Variants in IPO11 observed in about 807,000 individuals in gnomAD.
IPO11 encodes the protein importin-11.
A neutral mutation model predicts 143.2 loss-of-function variants in IPO11; 66 were observed. That is an observed-to-expected ratio of 0.46 (90% CI 0.38 to 0.57). The LOEUF is 0.57. Ranked by LOEUF, IPO11 falls within the 20% of genes least tolerant of loss-of-function variation. The pLI is 0.00. For missense variants in IPO11, 1,026 were observed against 1,141.0 expected (o/e 0.90, Z 1.45); for synonymous variants, 385 against 377.8 (o/e 1.02, Z -0.22).
intron 24 of IPO11, among the ~76,000 whole-genome samples, chr5:62,546,603 A>G (rs1322047210): frequency 1.3e-5 from 2 of 151,920 alleles, no homozygotes; most frequent in African/African-American, 4.8e-5. Context: ...ATATAAAAAA[A>G]AAACCACACA....
At chr5:62,497,544 T>C (rs964279179) in intron 16 of IPO11, among the ~76,000 whole-genome samples, 2 of 152,188 alleles carry the variant, frequency 1.3e-5, no homozygotes, top group South Asian at 2.1e-4. Flanking sequence ...CACGACTCAC[T>C]GCAGCCTCAA....
chr5:62,481,122 G>T (rs1171114007), intron 9 of IPO11, among the ~76,000 whole-genome samples: 4 of 151,878 alleles, frequency 2.6e-5, no homozygotes, highest in African/African-American at 9.7e-5. Context: ...GTTTCACCGT[G>T]TTAGCCAGGA....
At chr5:62,601,194 T>C (rs1056267114) in intron 28 of IPO11, 3 of 152,292 alleles carry the variant, frequency 2.0e-5, no homozygotes, top group African/African-American at 7.2e-5. Flanking sequence ...CAGGAAACTG[T>C]TTCTGTTACC....
At chr5:62,549,071 T>C (rs1249334911) in intron 24 of IPO11, among the ~76,000 whole-genome samples, 1 of 146,780 alleles carries the variant, frequency 6.8e-6, no homozygotes, top group Non-Finnish European at 1.5e-5. Flanking sequence ...TTATCTTTTT[T>C]CCCAGATCTA....
intron 29 of IPO11, among the ~76,000 whole-genome samples, chr5:62,609,183 G>A (rs1745840974): frequency 6.6e-6 from 1 of 152,216 alleles, no homozygotes; most frequent in African/African-American, 2.4e-5. Context: ...CACATGCCTA[G>A]TTTAATAATG....
chr5:62,621,510 T>G (rs1444050836), intron 29 of IPO11, among the ~76,000 whole-genome samples: 1 of 152,116 alleles, frequency 6.6e-6, no homozygotes, highest in African/African-American at 2.4e-5. Context: ...GGGTTAGAGA[T>G]TCTCCCAGAC....
At chr5:62,550,308 T>G (rs1050377264) in intron 24 of IPO11, 59 bp from the exon 25 acceptor site, 12 of 1,264,182 alleles carry the variant, frequency 9.5e-6, no homozygotes, top group African/African-American at 1.5e-5. Context: ...TCCTTACATG[T>G]GTTTTTCATA....
chr5:62,533,321 C>T (rs1742623080), intron 22 of IPO11, among the ~76,000 whole-genome samples: 3 of 151,616 alleles, frequency 2.0e-5, no homozygotes, highest in Non-Finnish European at 4.4e-5. Flanking sequence ...AAGAGATTCT[C>T]CTGCCTCAGC....
At chr5:62,482,028 G>A (rs1427870703) in intron 9 of IPO11, among the ~76,000 whole-genome samples, 1 of 152,164 alleles carries the variant, frequency 6.6e-6, no homozygotes, top group Non-Finnish European at 1.5e-5. Context: ...GAGGGTGTAT[G>A]TGTCCAGGAA....
At position 62,419,052 on chromosome 5, in the gene IPO11, T is replaced by C. The variant is rs191585136; in HGVS notation, c.-7+6123T>C. ...TTATACACTTGGGCTATGTGGTATA[T>C]AGCTTATTGTATCTAGGCTATAAGC... On this transcript the variant is annotated intron_variant, in intron 1 of 29. Coordinates refer to ENST00000325324, the MANE Select transcript of IPO11 (RefSeq NM_016338.5). 1,582 of 1,551,292 alleles carry C rather than the reference T, an allele frequency of 1.0e-3. 1 individual carries two copies. The highest frequency in any genetic ancestry group is 1.7e-3 in the Admixed American group (86 of 51,010).
chr5:62,492,450 C>T (rs1746653666), intron 15 of IPO11, among the ~76,000 whole-genome samples: 1 of 152,152 alleles, frequency 6.6e-6, no homozygotes, highest in South Asian at 2.1e-4. Flanking sequence ...TTCTAAAGTC[C>T]TAGTACACTA....
At chr5:62,585,876 TGAGAA>T (rs1744754045) in intron 27 of IPO11, among the ~76,000 whole-genome samples, 1 of 152,134 alleles carries the variant, frequency 6.6e-6, no homozygotes, top group South Asian at 2.1e-4. Context: ...GAAGGGTAAA[TGAGAA>T]GGAAGGTCAA....
chr5:62,620,734 G>T (rs1746325389), intron 29 of IPO11, among the ~76,000 whole-genome samples: 1 of 152,122 alleles, frequency 6.6e-6, no homozygotes, highest in African/African-American at 2.4e-5. Flanking sequence ...GCTTCAAAGA[G>T]AATAAATTAT....
At chr5:62,560,242 G>A (rs1263084032) in intron 26 of IPO11, among the ~76,000 whole-genome samples, 9 of 152,130 alleles carry the variant, frequency 5.9e-5, no homozygotes, top group African/African-American at 2.2e-4. Context: ...TATTGGATTA[G>A]CATTCAAGAT....
At chr5:62,618,393 G>GA (rs1290437570) in intron 29 of IPO11, among the ~76,000 whole-genome samples, 1 of 151,632 alleles carries the variant, frequency 6.6e-6, no homozygotes, top group African/African-American at 2.4e-5. Context: ...GTCAAGATGT[G>GA]AAAAAAAGGA....
At chr5:62,498,447 T>C (rs1025506552) in intron 16 of IPO11, among the ~76,000 whole-genome samples, 1 of 152,232 alleles carries the variant, frequency 6.6e-6, no homozygotes, top group African/African-American at 2.4e-5. Context: ...AAACTAGAAT[T>C]GCTAAACTGT....
At chr5:62,587,572 AT>A (rs1744843262) in intron 27 of IPO11, among the ~76,000 whole-genome samples, 1 of 152,188 alleles carries the variant, frequency 6.6e-6, no homozygotes, top group Non-Finnish European at 1.5e-5. Context: ...AATATAAAAA[AT>A]ATTGAGTTAT....
chr5:62,556,835 A>AT (rs1250977478), intron 26 of IPO11, among the ~76,000 whole-genome samples: 1 of 151,132 alleles, frequency 6.6e-6, no homozygotes, highest in Non-Finnish European at 1.5e-5. Context: ...ATCCTCTTTT[A>AT]TTTTTCCTTT....
Position 62,628,451 on chromosome 5 carries a change from G to A in IPO11, c.*1133G>A, listed in dbSNP as rs1746659565. ...TGTTTTATCTTTCTATAGAAAGTTG[G>A]GTACAGTATGTAACTGCGGGAAACC... is the stretch of plus-strand genomic sequence containing the variant. On this transcript the variant is annotated 3_prime_UTR_variant, in exon 30 of 30. Transcript: ENST00000325324. 6.6e-6 allele frequency: 1 copy of A among 152,596 alleles called. No individual in the cohort carries two copies. Among genetic ancestry groups the A allele is most frequent in the African/African-American group, 2.4e-5 (1 of 41,434 alleles). 9.5% of individuals were successfully genotyped at this position (152,596 alleles called of 1,614,324 possible). A position where few individuals can be genotyped will look rare whatever the true frequency, so the allele number is the denominator to read the frequency against.
Sources: gnomAD v4.1 joint callset for allele counts (sites outside exome capture counted in the v4.1 genomes callset) on GRCh38, gnomAD v4.1.1 for gene constraint, MANE v1.5 for transcripts, NCBI Gene and HGNC (gene_info 2026-07-23, HGNC 2026-07-21) for gene names.